The following MACF1 variants were observed in gnomAD, a reference collection of about 807,000 sequenced individuals.
The protein encoded by MACF1 is microtubule-actin cross-linking factor 1.
Under a neutral mutation model 854.8 loss-of-function variants are expected in MACF1, and 193 were observed. The ratio of observed to expected loss-of-function variants is 0.23; its 90% CI spans 0.20 to 0.25. The LOEUF is 0.25. Ranked by LOEUF, MACF1 falls within the 10% of genes least tolerant of loss-of-function variation. The pLI is 1.00. For synonymous variants in MACF1, 3,185 were observed against 3,226.7 expected (o/e 0.99, Z 0.44); for missense variants, 7,722 against 8,929.1 (o/e 0.86, Z 5.45).
At position 39,478,573 on chromosome 1, in the gene MACF1, C is replaced by T. The variant is rs138263288; in HGVS notation, c.21959-1225C>T. ...CTGATACTTTGATATGTTCTGTCAA[C>T]ATATAATATATTGAGAAGAATTTGG... On this transcript the variant is annotated intron_variant, in intron 97 of 100. Coordinates refer to ENST00000564288, the MANE Select transcript of MACF1 (RefSeq NM_001394062.1). 4.6e-3 allele frequency among the ~76,000 whole-genome samples: 693 copies of T among 152,274 alleles called. 5 individuals carry two copies. Among genetic ancestry groups the T allele is most frequent in the African/African-American group, 0.015 (634 of 41,548 alleles).
chr1:39,144,642 G>T (rs1325408127), intron 2 of MACF1, among the ~76,000 whole-genome samples: 1 of 116,522 alleles, frequency 8.6e-6, no homozygotes, highest in African/African-American at 3.3e-5. Context: ...AATCAGCGTG[G>T]CATCAATTTT....
At chr1:39,256,504 C>T (rs1213125338) in intron 5 of MACF1, among the ~76,000 whole-genome samples, 3 of 152,054 alleles carry the variant, frequency 2.0e-5, no homozygotes. Flanking sequence ...TCTGGAGACA[C>T]ACAAGTTTCA....
At chr1:39,354,157 T>A (rs1231149348) in intron 44 of MACF1, among the ~76,000 whole-genome samples, 1 of 152,230 alleles carries the variant, frequency 6.6e-6, no homozygotes, top group Non-Finnish European at 1.5e-5. Flanking sequence ...TCTGCTTATA[T>A]TGATTCCTTT....
intron 58 of MACF1, among the ~76,000 whole-genome samples, chr1:39,408,742 G>A (rs562927201): frequency 1.5e-4 from 23 of 152,220 alleles, no homozygotes; most frequent in African/African-American, 5.5e-4. Context: ...TCCTCTCCTT[G>A]CGCCCTCTCC....
At chr1:39,100,792 T>A (rs1020236613) in intron 2 of MACF1, among the ~76,000 whole-genome samples, 1 of 151,808 alleles carries the variant, frequency 6.6e-6, no homozygotes, top group African/African-American at 2.4e-5. Flanking sequence ...AGGTGGAGGT[T>A]GCAGTGAGCC....
At chr1:39,172,679 C>A (rs1433108263) in intron 2 of MACF1, among the ~76,000 whole-genome samples, 1 of 152,238 alleles carries the variant, frequency 6.6e-6, no homozygotes, top group Non-Finnish European at 1.5e-5. Flanking sequence ...AGAGTCCTGG[C>A]TGCTAGGAGA....
intron 2 of MACF1, among the ~76,000 whole-genome samples, chr1:39,087,127 G>A (rs947322311): frequency 2.6e-5 from 4 of 152,298 alleles, no homozygotes; most frequent in African/African-American, 9.6e-5. Flanking sequence ...GGTGCAGGGG[G>A]GCATGTCTGG....
At chr1:39,408,706 G>T (rs969796680) in intron 58 of MACF1, among the ~76,000 whole-genome samples, 2 of 152,088 alleles carry the variant, frequency 1.3e-5, no homozygotes, top group African/African-American at 4.8e-5. Flanking sequence ...TTTGCGCCGC[G>T]CAGCCCAGAC....
At chr1:39,218,293 GATAAAA>G (rs1644603591) in intron 1 of MACF1, among the ~76,000 whole-genome samples, 1 of 151,428 alleles carries the variant, frequency 6.6e-6, no homozygotes, top group East Asian at 1.9e-4. Context: ...CAGAGTTGGA[GATAAAA>G]ATAAAATTTT....
intron 68 of MACF1, 46 bp from the exon 69 acceptor site, chr1:39,434,368 A>G (rs1643926827): frequency 8.5e-7 from 1 of 1,177,890 alleles, no homozygotes; most frequent in Non-Finnish European, 1.2e-6. Context: ...TTAAGAGTTT[A>G]TAATAGTAAT....
intron 57 of MACF1, 71 bp from the exon 58 acceptor site, chr1:39,387,116 A>T: frequency 1.3e-6 from 2 of 1,528,818 alleles, no homozygotes; most frequent in East Asian, 4.5e-5. Context: ...ATTAGACCGT[A>T]TACTCTCAGC....
chr1:39,344,353 A>G (rs1434289436), intron 40 of MACF1, among the ~76,000 whole-genome samples: 1 of 150,130 alleles, frequency 6.7e-6, no homozygotes, highest in Non-Finnish European at 1.5e-5. Context: ...AATCGCTTGA[A>G]CCCGGGAGGT....
chr1:39,445,871 G>C (rs1053452491), intron 80 of MACF1, among the ~76,000 whole-genome samples: 1 of 152,200 alleles, frequency 6.6e-6, no homozygotes, highest in African/African-American at 2.4e-5. Context: ...GAAGTAGGAG[G>C]CTCACTTGAG....
At chr1:39,241,516 C>T (rs1644922541) in intron 2 of MACF1, among the ~76,000 whole-genome samples, 2 of 151,734 alleles carry the variant, frequency 1.3e-5, no homozygotes, top group African/African-American at 4.8e-5. Context: ...AAAAATTAGC[C>T]GGGTGTGGTG....
chr1:39,159,268 C>T (rs1275932849), intron 2 of MACF1, among the ~76,000 whole-genome samples: 3 of 152,158 alleles, frequency 2.0e-5, no homozygotes, highest in Non-Finnish European at 2.9e-5. Context: ...AGAAATGTCC[C>T]CTGTATTCTT....
chr1:39,471,262 G>GA (rs1293112692), intron 97 of MACF1, among the ~76,000 whole-genome samples: 1 of 152,218 alleles, frequency 6.6e-6, no homozygotes, highest in Non-Finnish European at 1.5e-5. Context: ...TAATAAGTTA[G>GA]AAGGGTATGA....
chr1:39,340,190 T>G (rs1463412757), intron 38 of MACF1, among the ~76,000 whole-genome samples: 1 of 152,150 alleles, frequency 6.6e-6, no homozygotes, highest in African/African-American at 2.4e-5. Flanking sequence ...GGGAGCACAC[T>G]GCACTGAGTG....
intron 2 of MACF1, among the ~76,000 whole-genome samples, chr1:39,126,451 T>TG (rs1642862287): frequency 6.6e-6 from 1 of 152,334 alleles, no homozygotes; most frequent in Admixed American, 6.5e-5. Flanking sequence ...TCACAGTCCC[T>TG]GGGGTTAGGA....
chr1:39,244,121 G>T (rs888054520), intron 2 of MACF1, among the ~76,000 whole-genome samples: 3 of 151,252 alleles, frequency 2.0e-5, no homozygotes, highest in African/African-American at 4.9e-5. Flanking sequence ...TTTTTTTTGG[G>T]GGGGACAGAG....
Sources: gnomAD v4.1 joint callset for allele counts (sites outside exome capture counted in the v4.1 genomes callset) on GRCh38, gnomAD v4.1.1 for gene constraint, MANE v1.5 for transcripts, NCBI Gene and HGNC (gene_info 2026-07-23, HGNC 2026-07-21) for gene names.